EPB41L4A: variants seen among roughly 807,000 people sequenced by gnomAD.
The protein encoded by EPB41L4A is erythrocyte membrane protein band 4.1 like 4A.
EPB41L4A carries 100 observed loss-of-function variants against 108.6 expected under a neutral mutation model. That is an observed-to-expected ratio of 0.92 (90% CI 0.78 to 1.09). The LOEUF (loss-of-function observed/expected upper bound fraction) is 1.09. Ranked by LOEUF, EPB41L4A falls within the 50% of genes least tolerant of loss-of-function variation. The probability of loss-of-function intolerance (pLI) is 0.00; values close to 1 mark genes in which losing one functional copy is unlikely to be tolerated. For missense variants in EPB41L4A, 1,030 were observed against 842.7 expected (o/e 1.22, Z -2.75); for synonymous variants, 319 against 289.0 (o/e 1.10, Z -1.05).
intron 17 of EPB41L4A, among the ~76,000 whole-genome samples, chr5:112,191,097 A>C (rs77632239): frequency 5.0e-3 from 763 of 152,328 alleles, no homozygotes; most frequent in Middle Eastern, 0.014. Context: ...AAAGAGAGTG[A>C]AAAATTATCA....
chr5:112,260,047 CCATA>C, intron 7 of EPB41L4A, 68 bp from the exon 8 acceptor site: 1 of 1,153,636 alleles, frequency 8.7e-7, no homozygotes, highest in Non-Finnish European at 1.3e-6. Flanking sequence ...CTATAATTGA[CCATA>C]CAAATATAAT....
chr5:112,376,913 G>A (rs1759857153), intron 1 of EPB41L4A, among the ~76,000 whole-genome samples: 1 of 152,142 alleles, frequency 6.6e-6, no homozygotes, highest in Non-Finnish European at 1.5e-5. Context: ...CTATAAAAGT[G>A]CAACACGTGG....
chr5:112,229,889 G>A (rs1394457244), intron 12 of EPB41L4A, among the ~76,000 whole-genome samples: 1 of 151,544 alleles, frequency 6.6e-6, no homozygotes, highest in Non-Finnish European at 1.5e-5. Context: ...TTGGGAGGCT[G>A]AGGCAGGAGA....
At chr5:112,399,478 G>A (rs1323763517) in intron 1 of EPB41L4A, among the ~76,000 whole-genome samples, 3 of 152,128 alleles carry the variant, frequency 2.0e-5, no homozygotes, top group Non-Finnish European at 4.4e-5. Flanking sequence ...CCCACTGCCT[G>A]GCACCTGGAA....
At position 112,254,037 on chromosome 5, in the gene EPB41L4A, T is replaced by A. The variant is rs575909330; in HGVS notation, c.795+5192A>T. Among the ~76,000 whole-genome samples, 5 of 152,204 alleles carry A rather than the reference T, an allele frequency of 3.3e-5. No homozygotes were observed. The South Asian group carries it at 6.2e-4, about 19-fold the overall frequency. ...TGGATCTCATTACTCACAGCCAGAG[T>A]TGCCAGGAACCTTTTGGTTCTACAT... On this transcript the variant is annotated intron_variant, in intron 9 of 22. Transcript: ENST00000261486.
At chr5:112,410,569 G>A (rs721054) in intron 1 of EPB41L4A, among the ~76,000 whole-genome samples, 13,541 of 152,108 alleles carry the variant, frequency 0.089, 1,953 homozygotes, top group African/African-American at 0.3. Context: ...CCTGACCCAA[G>A]AGGTAGACTG....
At chr5:112,359,378 C>A (rs1758565482) in intron 1 of EPB41L4A, among the ~76,000 whole-genome samples, 1 of 152,122 alleles carries the variant, frequency 6.6e-6, no homozygotes, top group African/African-American at 2.4e-5. Context: ...GCCAGAGGCA[C>A]CCAATTATCC....
chr5:112,203,320 C>T (rs951698567), intron 15 of EPB41L4A, among the ~76,000 whole-genome samples: 1 of 152,052 alleles, frequency 6.6e-6, no homozygotes, highest in Non-Finnish European at 1.5e-5. Context: ...CATGCCACTA[C>T]ACTCCAGCCT....
chr5:112,243,100 G>A (rs1360411533), intron 9 of EPB41L4A, among the ~76,000 whole-genome samples: 1 of 151,948 alleles, frequency 6.6e-6, no homozygotes, highest in Non-Finnish European at 1.5e-5. Flanking sequence ...TGTAATCCCA[G>A]CTATTTCGGA....
At chr5:112,200,652 C>T (rs541879599) in intron 15 of EPB41L4A, among the ~76,000 whole-genome samples, 2 of 152,246 alleles carry the variant, frequency 1.3e-5, no homozygotes, top group South Asian at 2.1e-4. Context: ...ATATATTGTA[C>T]TACCAGGAAA....
intron 1 of EPB41L4A, among the ~76,000 whole-genome samples, chr5:112,381,534 T>C (rs968591281): frequency 2.0e-5 from 3 of 152,228 alleles, no homozygotes; most frequent in African/African-American, 4.8e-5. Flanking sequence ...ACAGAAAGCA[T>C]GTCTAGCAAA....
intron 9 of EPB41L4A, chr5:112,257,075 A>C (rs908545254): frequency 1.3e-5 from 2 of 152,166 alleles, no homozygotes; most frequent in Admixed American, 1.3e-4. Flanking sequence ...TTCATGCTGA[A>C]TGTGATTACT....
intron 2 of EPB41L4A, among the ~76,000 whole-genome samples, chr5:112,301,590 C>G (rs940290888): frequency 2.6e-5 from 4 of 152,130 alleles, no homozygotes; most frequent in Non-Finnish European, 5.9e-5. Context: ...TTCAAAGGGT[C>G]TGTGGATTCT....
At chr5:112,412,186 C>T (rs879574733) in intron 1 of EPB41L4A, among the ~76,000 whole-genome samples, 3 of 152,198 alleles carry the variant, frequency 2.0e-5, no homozygotes, top group Admixed American at 2.0e-4. Context: ...TATCGCTCAG[C>T]ACTTCTCTGT....
At chr5:112,350,745 G>A (rs1313312444) in intron 1 of EPB41L4A, among the ~76,000 whole-genome samples, 1 of 152,104 alleles carries the variant, frequency 6.6e-6, no homozygotes. Context: ...TTCTGTGCCT[G>A]ACTTACTTCA....
In EPB41L4A at chr5:112,240,728, G is replaced by A. The variant is rs368537223; in HGVS notation, c.878C>T (p.Thr293Ile). Residue 293 changes from threonine to isoleucine, a missense_variant, in exon 10 of 23, where the codon ACA becomes ATA. Thr to Ile is a moderately conservative substitution (Grantham distance 89, BLOSUM62 -1). Transcript: ENST00000261486. Reference protein sequence around the residue: ...HLWKCSVEHHTFFRMPENESN... With the variant: ...HLWKCSVEHHIFFRMPENESN... ...TTTTACATCAATTTACCTAAAAAATGTATGATGTTCCACACTGCACTTCCA... is the reference window on the plus strand; with the variant it reads ...TTTTACATCAATTTACCTAAAAAATATATGATGTTCCACACTGCACTTCCA... 18 of 1,537,990 alleles carry A rather than the reference G, an allele frequency of 1.2e-5. No homozygotes were observed. The African/African-American group carries it at 2.6e-4, about 22-fold the overall frequency.
rs556092477 is a variant in EPB41L4A, at chr5:112,401,103, T to C, written c.99+17838A>G. On this transcript the variant is annotated intron_variant, in intron 1 of 22. Coordinates refer to ENST00000261486, the MANE Select transcript of EPB41L4A (RefSeq NM_022140.5). ...AAACAAGCATCCACATTGTTGAAAA[T>C]AGGAAATTTCACTGATTTTCCTGGC... Among the ~76,000 whole-genome samples the C allele has an allele frequency of 9.2e-5, 14 of 152,260 alleles. No homozygotes were observed. In the East Asian group the frequency reaches 2.3e-3, roughly 25 times the overall value.
chr5:112,227,909 G>A (rs953328540), intron 12 of EPB41L4A, among the ~76,000 whole-genome samples: 1 of 152,184 alleles, frequency 6.6e-6, no homozygotes, highest in Non-Finnish European at 1.5e-5. Flanking sequence ...TACCCTCAGG[G>A]GAATCATTCA....
chr5:112,313,387 T>G (rs546337197), intron 1 of EPB41L4A, among the ~76,000 whole-genome samples: 1 of 152,150 alleles, frequency 6.6e-6, no homozygotes, highest in South Asian at 2.1e-4. Flanking sequence ...GTCAGGAGAT[T>G]GAGACCATCC....
Sources: allele counts gnomAD v4.1 joint callset (sites outside exome capture counted in the v4.1 genomes callset), GRCh38; gene constraint gnomAD v4.1.1; transcripts MANE v1.5; gene names NCBI Gene and HGNC (gene_info 2026-07-23, HGNC 2026-07-21).